RPS6KC1: variants seen among roughly 807,000 people sequenced by gnomAD.
RPS6KC1 encodes the protein inactive ribosomal protein S6 kinase delta-1.
RPS6KC1 carries 54 observed loss-of-function variants against 103.8 expected under a neutral mutation model. The ratio of observed to expected loss-of-function variants is 0.52; its 90% CI spans 0.42 to 0.65. The LOEUF (loss-of-function observed/expected upper bound fraction) is 0.65, where lower values mean the gene tolerates loss of function less well. Among genes scored for constraint, RPS6KC1 ranks in the 30% least tolerant of loss-of-function variants. RPS6KC1 has a pLI of 0.00. For missense variants in RPS6KC1, 1,151 were observed against 1,253.8 expected (o/e 0.92, Z 1.24); for synonymous variants, 439 against 438.7 (o/e 1.00, Z -0.01).
the RPS6KC1 span, among the ~76,000 whole-genome samples, chr1:213,693,065 A>T: frequency 2.0e-5 from 3 of 152,306 alleles, no homozygotes; most frequent in East Asian, 5.8e-4. Context: ...ACAAACAAGA[A>T]AAAAACCCCA....
the RPS6KC1 span, among the ~76,000 whole-genome samples, chr1:213,299,684 A>G: frequency 4.6e-5 from 7 of 152,182 alleles, no homozygotes; most frequent in Non-Finnish European, 1.0e-4. Context: ...TATCACTTAA[A>G]TATGTAATGA....
In RPS6KC1 at chr1:213,248,643, A is replaced by T. The variant is rs183956022; in HGVS notation, c.2911+5985A>T. On this transcript the variant is annotated intron_variant, in intron 12 of 14. Transcript: ENST00000366960. ...GCAAGGCCCTTGTGGTGCAAAGAAG[A>T]TTAAAGGATCACTTTAGGAGGACTT... Among the ~76,000 whole-genome samples the T allele has an allele frequency of 5.7e-3, 862 of 152,250 alleles. 5 individuals are homozygous for T. Among genetic ancestry groups the T allele is most frequent in the Non-Finnish European group, 7.7e-3 (525 of 68,026 alleles).
At chr1:213,723,384 A>G in the RPS6KC1 span, among the ~76,000 whole-genome samples, 1 of 152,128 alleles carries the variant, frequency 6.6e-6, no homozygotes, top group Admixed American at 6.5e-5. Flanking sequence ...GGAGGCTGGG[A>G]GTCTGAGATC....
chr1:213,115,849 G>A (rs1485421277), intron 4 of RPS6KC1, among the ~76,000 whole-genome samples: 1 of 152,216 alleles, frequency 6.6e-6, no homozygotes, highest in Non-Finnish European at 1.5e-5. Context: ...CAGTTTCCAT[G>A]TAGTTGAGTG....
At chr1:213,547,897 C>T in the RPS6KC1 span, among the ~76,000 whole-genome samples, 2 of 152,256 alleles carry the variant, frequency 1.3e-5, no homozygotes, top group East Asian at 3.9e-4. Context: ...GTTACTCAGC[C>T]TCAGATATTC....
chr1:213,681,250 C>T, the RPS6KC1 span, among the ~76,000 whole-genome samples: 62 of 152,294 alleles, frequency 4.1e-4, no homozygotes, highest in African/African-American at 1.4e-3. Context: ...TCGCACATGT[C>T]GCTGGTCACA....
the RPS6KC1 span, among the ~76,000 whole-genome samples, chr1:213,395,763 GAA>G: frequency 6.6e-6 from 1 of 152,338 alleles, no homozygotes; most frequent in South Asian, 2.1e-4. Context: ...AAAAGCCCTG[GAA>G]AAGACACTTG....
chr1:213,719,318 G>A, the RPS6KC1 span, among the ~76,000 whole-genome samples: 39,978 of 152,124 alleles, frequency 0.26, 5,835 homozygotes, highest in Middle Eastern at 0.38. Context: ...GAGTACAAGG[G>A]TGAGTATCAG....
intron 8 of RPS6KC1, among the ~76,000 whole-genome samples, chr1:213,215,024 C>T (rs560929316): frequency 7.9e-5 from 12 of 152,294 alleles, no homozygotes; most frequent in Admixed American, 3.9e-4. Flanking sequence ...CAAAGCTGGA[C>T]AGAGAATGAC....
intron 8 of RPS6KC1, among the ~76,000 whole-genome samples, chr1:213,219,696 C>T (rs567428294): frequency 6.6e-6 from 1 of 152,106 alleles, no homozygotes; most frequent in Non-Finnish European, 1.5e-5. Flanking sequence ...AGGATGAGTT[C>T]ATGTCCTTTG....
chr1:213,261,755 T>C lies in RPS6KC1; in HGVS notation c.2994+115T>C, dbSNP rs980117415. 4 of 860,974 alleles carry C rather than the reference T, an allele frequency of 4.6e-6. No homozygotes were observed. In the East Asian group the frequency reaches 9.8e-5, roughly 21 times the overall value. 53.3% of individuals were successfully genotyped at this position (860,974 alleles called of 1,614,324 possible). A position where few individuals can be genotyped will look rare whatever the true frequency, so the allele number is the denominator to read the frequency against. ...ATCAGGGACTAAGCAAGAAAAACTT[T>C]GATATCGAAAGCAAGTAGAGAAATG... On this transcript the variant is annotated intron_variant, in intron 13 of 14. Coordinates refer to ENST00000366960, the MANE Select transcript of RPS6KC1 (RefSeq NM_012424.6).
At chr1:213,657,941 G>T in the RPS6KC1 span, among the ~76,000 whole-genome samples, 5 of 152,200 alleles carry the variant, frequency 3.3e-5, no homozygotes, top group African/African-American at 4.8e-5. Flanking sequence ...TGGTAGAGTG[G>T]ACATACTGTA....
At chr1:213,100,504 G>T (rs1394467293) in intron 3 of RPS6KC1, among the ~76,000 whole-genome samples, 1 of 152,130 alleles carries the variant, frequency 6.6e-6, no homozygotes, top group Non-Finnish European at 1.5e-5. Context: ...GTGGTGTTGA[G>T]ATCTGGGCTT....
chr1:213,217,263 A>G (rs1471598714), intron 8 of RPS6KC1, among the ~76,000 whole-genome samples: 1 of 151,972 alleles, frequency 6.6e-6, no homozygotes, highest in East Asian at 1.9e-4. Context: ...AATAAACTAG[A>G]AAATCTAGAA....
the RPS6KC1 span, among the ~76,000 whole-genome samples, chr1:213,566,893 T>C: frequency 6.6e-6 from 1 of 152,174 alleles, no homozygotes; most frequent in Non-Finnish European, 1.5e-5. Flanking sequence ...TTATCAGGAG[T>C]TAAAATTCTG....
At chr1:213,187,434 C>T (rs958580085) in intron 8 of RPS6KC1, among the ~76,000 whole-genome samples, 11 of 151,666 alleles carry the variant, frequency 7.3e-5, no homozygotes, top group Non-Finnish European at 1.2e-4. Context: ...TTAGTAGAGA[C>T]GGGGTTTCAC....
At chr1:213,778,963 A>G in the RPS6KC1 span, among the ~76,000 whole-genome samples, 1 of 151,848 alleles carries the variant, frequency 6.6e-6, no homozygotes, top group Non-Finnish European at 1.5e-5. Flanking sequence ...CAAGCACACC[A>G]ATGTTTATTT....
intron 4 of RPS6KC1, among the ~76,000 whole-genome samples, chr1:213,108,821 A>T (rs2082733514): frequency 1.3e-5 from 2 of 151,810 alleles, no homozygotes; most frequent in African/African-American, 4.8e-5. Flanking sequence ...GCTTATTTTT[A>T]AATTTTTTTG....
At chr1:213,078,649 G>A (rs992868255) in intron 3 of RPS6KC1, among the ~76,000 whole-genome samples, 1 of 152,154 alleles carries the variant, frequency 6.6e-6, no homozygotes, top group Non-Finnish European at 1.5e-5. Context: ...TGGTCCGCCC[G>A]CCTTGACCTC....
Sources: gnomAD v4.1 joint callset for allele counts (sites outside exome capture counted in the v4.1 genomes callset) on GRCh38, gnomAD v4.1.1 for gene constraint, MANE v1.5 for transcripts, NCBI Gene and HGNC (gene_info 2026-07-23, HGNC 2026-07-21) for gene names.